Variants in ZNRF3 observed in about 807,000 individuals in gnomAD.
ZNRF3 encodes the protein E3 ubiquitin-protein ligase ZNRF3.
In ZNRF3, 23 loss-of-function variants were observed where a neutral mutation model predicts 72.5. The ratio of observed to expected loss-of-function variants is 0.32; its 90% CI spans 0.23 to 0.45. The LOEUF is 0.45. Ranked by LOEUF, ZNRF3 falls within the 20% of genes least tolerant of loss-of-function variation. The pLI is 1.00. For synonymous variants in ZNRF3, 610 were observed against 545.3 expected, an observed-to-expected ratio of 1.12 and a Z score of -1.65; for missense variants, 1,169 against 1,272.1, an observed-to-expected ratio of 0.92 and a Z score of 1.23.
chr22:28,926,004 T>A (rs1181233638), intron 1 of ZNRF3, among the ~76,000 whole-genome samples: 1 of 152,172 alleles, frequency 6.6e-6, no homozygotes, highest in Non-Finnish European at 1.5e-5. Context: ...AGATCTTGCG[T>A]CTTTGTTCAG....
intron 2 of ZNRF3, among the ~76,000 whole-genome samples, chr22:29,034,206 T>G (rs1261844865): frequency 6.6e-6 from 1 of 152,210 alleles, no homozygotes; most frequent in Non-Finnish European, 1.5e-5. Context: ...TTCCAGAAGG[T>G]CCTGGATTGT....
intron 2 of ZNRF3, among the ~76,000 whole-genome samples, chr22:29,033,176 C>T (rs1238209155): frequency 6.6e-6 from 1 of 151,978 alleles, no homozygotes; most frequent in Non-Finnish European, 1.5e-5. Flanking sequence ...ATGGCGAAAC[C>T]CTGTCTCTAC....
chr22:29,003,244 C>T (rs911062561), intron 2 of ZNRF3, among the ~76,000 whole-genome samples: 5 of 152,156 alleles, frequency 3.3e-5, no homozygotes, highest in Non-Finnish European at 7.4e-5. Flanking sequence ...TGGCTGGGCG[C>T]AGTGGCTCAT....
At chr22:28,948,645 A>G in intron 1 of ZNRF3, among the ~76,000 whole-genome samples, 1 of 152,198 alleles carries the variant, frequency 6.6e-6, no homozygotes, top group East Asian at 1.9e-4. Context: ...CCTTACACAG[A>G]TATGTAGTTG....
chr22:29,040,879 G>A (rs749994947), intron 2 of ZNRF3, among the ~76,000 whole-genome samples: 1 of 152,360 alleles, frequency 6.6e-6, no homozygotes, highest in South Asian at 2.1e-4. Flanking sequence ...TAGTGGGCCA[G>A]TGGAGCTATT....
At chr22:28,884,904 C>A (rs1242649076) in intron 1 of ZNRF3, among the ~76,000 whole-genome samples, 3 of 152,128 alleles carry the variant, frequency 2.0e-5, no homozygotes, top group Non-Finnish European at 4.4e-5. Context: ...GAAGCTTCTG[C>A]GGATGGTTAG....
rs149015826 is a variant in ZNRF3, at chr22:28,917,800, G to T, written c.300+33734G>T. Reference sequence around the variant, plus strand: ...AGTGAGGGGAGGCCCCCTCCACAGGGTACCATTTAGAACAGGCTCAGTCGT... The same window carrying T: ...AGTGAGGGGAGGCCCCCTCCACAGGTTACCATTTAGAACAGGCTCAGTCGT... On this transcript the variant is annotated intron_variant, in intron 1 of 8. Coordinates refer to ENST00000544604, the MANE Select transcript of ZNRF3 (RefSeq NM_001206998.2). Among the ~76,000 whole-genome samples, 599 of 152,338 alleles carry T rather than the reference G, an allele frequency of 3.9e-3. 4 individuals are homozygous for T. Among genetic ancestry groups the T allele is most frequent in the African/African-American group, 0.014 (583 of 41,564 alleles).
At chr22:28,988,816 C>G (rs56332784) in intron 2 of ZNRF3, among the ~76,000 whole-genome samples, 1,931 of 152,268 alleles carry the variant, frequency 0.013, 52 homozygotes, top group African/African-American at 0.045. Flanking sequence ...ATTTGCTTTG[C>G]CCCGGTCTGG....
At chr22:28,958,974 C>T (rs891420653) in intron 1 of ZNRF3, among the ~76,000 whole-genome samples, 4 of 152,192 alleles carry the variant, frequency 2.6e-5, no homozygotes, top group Non-Finnish European at 4.4e-5. Context: ...AGGGAGCACC[C>T]GTTCTGGTAT....
intron 1 of ZNRF3, among the ~76,000 whole-genome samples, chr22:28,913,157 A>T (rs1168013224): frequency 6.6e-6 from 1 of 152,258 alleles, no homozygotes; most frequent in African/African-American, 2.4e-5. Flanking sequence ...TCGCCTGAAG[A>T]ACAGCAGTCC....
At position 29,036,882 on chromosome 22, in the gene ZNRF3, GA is replaced by G. The variant is rs776676551; in HGVS notation, c.427-5606del. 6.6e-5 allele frequency among the ~76,000 whole-genome samples: 10 copies of G among 152,110 alleles called. No individual in the cohort carries two copies. The East Asian group carries it at 1.7e-3, about 26-fold the overall frequency. The stretch of plus-strand genomic sequence containing the variant: ...TAATAACTTAGAAGCTTATGATAAA[GA>G]AAAAAAGCCAGAAGGCAAAATTGTA... On this transcript the variant is annotated intron_variant, in intron 2 of 8. Transcript: ENST00000544604.
Position 29,048,302 on chromosome 22 carries a change from C to A in ZNRF3, c.913-87C>A. Reference sequence around the variant, plus strand: ...TAGGGAAGGGCACGGGCATGCTGTGCAGAACTCCTTGGTCTATGCTGGACT... The same window carrying A: ...TAGGGAAGGGCACGGGCATGCTGTGAAGAACTCCTTGGTCTATGCTGGACT... On this transcript the variant is annotated intron_variant, in intron 6 of 8. Coordinates refer to ENST00000544604, the MANE Select transcript of ZNRF3 (RefSeq NM_001206998.2). The surrounding 1 kb of genome is among the most constrained non-coding windows in gnomAD (Gnocchi z 4.9). 1 of 1,093,210 alleles carries A rather than the reference C, an allele frequency of 9.1e-7. No individual in the cohort carries two copies. The highest frequency in any genetic ancestry group is 1.4e-6 in the Non-Finnish European group (1 of 732,294). The allele number at this position is 1,093,210 out of a possible 1,614,324, so 67.7% of individuals were successfully genotyped here. A position where few individuals can be genotyped will look rare whatever the true frequency, so the allele number is the denominator to read the frequency against.
chr22:28,901,908 C>T (rs2034111877), intron 1 of ZNRF3, among the ~76,000 whole-genome samples: 1 of 149,276 alleles, frequency 6.7e-6, no homozygotes, highest in South Asian at 2.1e-4. Flanking sequence ...TGTGAGTATT[C>T]CTAATCACCA....
rs760957060 is a variant in ZNRF3 at position 29,050,655 on chromosome 22, T to C, written c.2474T>C (p.Leu825Pro). 6.2e-7 allele frequency: 1 copy of C among 1,612,144 alleles called. No homozygotes were observed. Among genetic ancestry groups the C allele is most frequent in the Admixed American group, 1.7e-5 (1 of 59,950 alleles). Reference protein sequence around the residue: ...PPGCYPGARDLSQRIPIIPED... With the variant: ...PPGCYPGARDPSQRIPIIPED... Reference sequence around the variant, plus strand: ...GGCTGCTACCCCGGGGCCCGGGACCTGAGCCAGCGCATCCCCATCATTCCA... The same window carrying C: ...GGCTGCTACCCCGGGGCCCGGGACCCGAGCCAGCGCATCCCCATCATTCCA... The change falls in exon 8 of 9, where the codon CTG (leucine) becomes CCG (proline). Residue 825 changes from leucine (L) to proline (P), a missense_variant. This residue lies in a region of ZNRF3 where 783 missense variants were observed against 731.4 expected (regional missense o/e 1.07). Transcript: ENST00000544604.
chr22:28,924,172 A>C (rs932063603), intron 1 of ZNRF3, among the ~76,000 whole-genome samples: 3 of 152,150 alleles, frequency 2.0e-5, no homozygotes, highest in Non-Finnish European at 4.4e-5. Flanking sequence ...AGTGAGGTGA[A>C]GCATGTGTTG....
rs1333694173 is a variant in ZNRF3, at chr22:28,987,088, G to A, written c.313G>A (p.Gly105Ser). 1 of 1,612,552 alleles carries A rather than the reference G, an allele frequency of 6.2e-7. No homozygotes were observed. The highest frequency in any genetic ancestry group is 1.3e-5 in the African/African-American group (1 of 74,830). ...EGEIVQMHPL[G>S]LCNNNDEEDL... ...TTTTATTTCCTAGATGCACCCACTG[G>A]GCCTATGTAATAACAATGACGAAGA... Residue 105 changes from glycine (G) to serine (S), a missense_variant, in exon 2 of 9, where the codon GGC becomes AGC. Gly to Ser is a moderately conservative substitution (Grantham distance 56). Transcript: ENST00000544604.
chr22:28,957,022 G>A (rs959963707), intron 1 of ZNRF3, among the ~76,000 whole-genome samples: 2 of 152,192 alleles, frequency 1.3e-5, no homozygotes, highest in African/African-American at 4.8e-5. Context: ...AGAAGATAAC[G>A]TGCCTATTGT....
intron 1 of ZNRF3, among the ~76,000 whole-genome samples, chr22:28,975,340 A>T (rs2035650066): frequency 6.6e-6 from 1 of 151,934 alleles, no homozygotes; most frequent in Non-Finnish European, 1.5e-5. Flanking sequence ...TATCTCTACT[A>T]AAAATACCAA....
chr22:28,901,577 G>A (rs2034104192), intron 1 of ZNRF3, among the ~76,000 whole-genome samples: 2 of 150,894 alleles, frequency 1.3e-5, no homozygotes, highest in Non-Finnish European at 2.9e-5. Flanking sequence ...TTAGAGATCA[G>A]CTGACTGGCG....
Sources: allele counts gnomAD v4.1 joint callset (sites outside exome capture counted in the v4.1 genomes callset), GRCh38; gene constraint gnomAD v4.1.1; regional missense constraint gnomAD v4.1.1; non-coding constraint Gnocchi (gnomAD v3.1); transcripts MANE v1.5; gene names NCBI Gene and HGNC (gene_info 2026-07-23, HGNC 2026-07-21).